Variants in PRG4 observed in about 807,000 individuals in gnomAD.
PRG4 encodes the protein proteoglycan 4.
PRG4 carries 61 observed loss-of-function variants against 91.2 expected under a neutral mutation model. That is an observed-to-expected ratio of 0.67 (90% CI 0.54 to 0.83). The LOEUF (loss-of-function observed/expected upper bound fraction) is 0.83, where lower values mean the gene tolerates loss of function less well. PRG4 is among the 40% of genes least tolerant of loss of function. The pLI is 0.00. For missense variants in PRG4, 1,564 were observed against 1,714.2 expected, an observed-to-expected ratio of 0.91 and a Z score of 1.55; for synonymous variants, 576 against 614.2, an observed-to-expected ratio of 0.94 and a Z score of 0.92.
At position 186,307,136 on chromosome 1, in the gene PRG4, G is replaced by A. The variant is rs750997479; in HGVS notation, c.1417G>A (p.Glu473Lys). 37 of 1,006,818 alleles carry A rather than the reference G, an allele frequency of 3.7e-5. No individual in the cohort carries two copies. In the South Asian group the frequency reaches 4.3e-4, roughly 12 times the overall value. 62.4% of individuals were successfully genotyped at this position (1,006,818 alleles called of 1,614,324 possible). ...CAAGGAGCCTGCACCCACCACCAAG[G>A]AGCCTGCACCCACCACTCCCAAAGA... ...TPKEPAPTTK[E>K]PAPTTPKEPA... Residue 473 changes from glutamate to lysine, a missense_variant, in exon 7 of 13, where the codon GAG becomes AAG. Transcript: ENST00000445192.
intron 12 of PRG4, chr1:186,313,350 A>G: frequency 3.1e-6 from 1 of 325,138 alleles, no homozygotes; most frequent in Non-Finnish European, 5.7e-6. Context: ...TAATTTCATA[A>G]TATGAATGAC....
chr1:186,307,407 C>T lies in PRG4; in HGVS notation c.1688C>T (p.Thr563Ile). 6.2e-7 allele frequency: 1 copy of T among 1,603,176 alleles called. No homozygotes were observed. Among genetic ancestry groups the T allele is most frequent in the Non-Finnish European group, 8.5e-7 (1 of 1,175,626 alleles). The part of the protein sequence containing the change: ...SPTTTKEPAP[T>I]TPKEPAPTTP... ...ACCACCACCAAGGAGCCTGCACCCA[C>T]CACTCCCAAGGAGCCTGCACCCACC... Residue 563 changes from threonine to isoleucine, a missense_variant, in exon 7 of 13, where the codon ACC becomes ATC. Physicochemically the swap from Thr to Ile is moderately conservative, Grantham distance 89. Transcript: ENST00000445192.
In PRG4 at chr1:186,306,715, A is replaced by C. The variant is rs763444356; in HGVS notation, c.996A>C (p.Thr332=). The C allele has an allele frequency of 6.2e-7, 1 of 1,613,704 alleles. No individual in the cohort carries two copies. Among genetic ancestry groups the C allele is most frequent in the Non-Finnish European group, 8.5e-7 (1 of 1,179,762 alleles). Residue 332 remains threonine, a synonymous_variant, in exon 7 of 13, where the codon ACA becomes ACC. Transcript: ENST00000445192. The part of the protein sequence containing the change: ...APTSKVLAKP[T]PKAETTTKGP... ...CATCTAAAGTGCTGGCTAAACCTAC[A>C]CCCAAAGCTGAAACTACAACCAAAG...
chr1:186,297,864 G>A (rs1001896227), intron 2 of PRG4, among the ~76,000 whole-genome samples: 2 of 152,132 alleles, frequency 1.3e-5, no homozygotes, highest in Non-Finnish European at 2.9e-5. Context: ...TTGCAGAATT[G>A]TTTAGATAAG....
Position 186,307,119 on chromosome 1 carries a change from C to A in PRG4, c.1400C>A (p.Pro467His), listed in dbSNP as rs1656671104. 2 of 1,589,420 alleles carry A rather than the reference C, an allele frequency of 1.3e-6. No homozygotes were observed. The highest frequency in any genetic ancestry group is 1.7e-6 in the Non-Finnish European group (2 of 1,168,530). Residue 467 changes from proline to histidine, a missense_variant, in exon 7 of 13, where the codon CCT (proline) becomes CAT (histidine). By Grantham distance (77) the Pro-to-His change is moderately conservative. Around this residue, in one of 3 missense-constraint regions of PRG4, gnomAD observed 1,079 missense variants for 1,162.2 expected, o/e 0.93. Coordinates refer to ENST00000445192, the MANE Select transcript of PRG4 (RefSeq NM_005807.6). ...KEPTPTTPKE[P>H]APTTKEPAPT... ...CCTACACCCACCACTCCCAAGGAGC[C>A]TGCACCCACCACCAAGGAGCCTGCA...
Position 186,308,941 on chromosome 1 carries a change from A to G in PRG4, c.3222A>G (p.Gln1074=), listed in dbSNP as rs12724163. 1 of 1,610,982 alleles carries G rather than the reference A, an allele frequency of 6.2e-7. No individual in the cohort carries two copies. Among genetic ancestry groups the G allele is most frequent in the Admixed American group, 1.7e-5 (1 of 59,378 alleles). The change falls in exon 7 of 13, where the codon CAA becomes CAG. Residue 1074 remains glutamine (Q), a synonymous_variant. Transcript: ENST00000445192. ...PTSRIAEAML[Q]TTTRPNQTPN... ...CAAGAATAGCAGAAGCCATGCTCCA[A>G]ACCACCACCAGACCTAACCAAACTC...
Position 186,307,709 on chromosome 1 carries a change from C to A in PRG4, c.1990C>A (p.Pro664Thr), listed in dbSNP as rs1246396485. ...EEPTPTTPEE[P>T]APTTPKAAAP... ...GCCCACACCCACCACCCCTGAGGAG[C>A]CTGCTCCCACCACTCCCAAGGCAGC... Residue 664 changes from proline (P) to threonine (T), a missense_variant, in exon 7 of 13, where the codon CCT becomes ACT. Pro to Thr is a conservative substitution (Grantham distance 38, BLOSUM62 -1). Around this residue, in one of 3 missense-constraint regions of PRG4, gnomAD observed 1,079 missense variants for 1,162.2 expected, o/e 0.93. Coordinates refer to ENST00000445192, the MANE Select transcript of PRG4 (RefSeq NM_005807.6). 7 of 1,609,526 alleles carry A rather than the reference C, an allele frequency of 4.3e-6. No individual in the cohort carries two copies. Among genetic ancestry groups the A allele is most frequent in the Non-Finnish European group, 5.9e-6 (7 of 1,179,050 alleles).
At chr1:186,306,207 A>C in intron 6 of PRG4, 111 bp from the exon 7 acceptor site, 1 of 849,136 alleles carries the variant, frequency 1.2e-6, no homozygotes, top group Admixed American at 2.8e-5. Context: ...AGTAGAGATT[A>C]GCAATTTGCT....
chr1:186,306,580 A>G lies in PRG4; in HGVS notation c.861A>G (p.Lys287=). The part of the protein sequence containing the change: ...TVNKETTVET[K]ETTTTNKQTS... ...ATAAAGAGACAACAGTTGAAACTAA[A>G]GAAACTACTACAACAAATAAACAGA... Residue 287 remains lysine, a synonymous_variant, in exon 7 of 13, where the codon AAA becomes AAG. Coordinates refer to ENST00000445192, the MANE Select transcript of PRG4 (RefSeq NM_005807.6). The G allele has an allele frequency of 6.2e-7, 1 of 1,613,508 alleles. No homozygotes were observed.
chr1:186,312,778 A>C lies in PRG4; in HGVS notation c.4001A>C (p.His1334Pro), dbSNP rs922311017. 6.2e-7 allele frequency: 1 copy of C among 1,613,012 alleles called. No individual in the cohort carries two copies. Among genetic ancestry groups the C allele is most frequent in the Non-Finnish European group, 8.5e-7 (1 of 1,179,026 alleles). Residue 1334 changes from histidine (H) to proline (P), a missense_variant, in exon 12 of 13, where the codon CAT (histidine) becomes CCT (proline). His to Pro is a moderately conservative substitution (Grantham distance 77, BLOSUM62 -2). This residue lies in a region of PRG4 where 1,079 missense variants were observed against 1,162.2 expected (regional missense o/e 0.93). Coordinates refer to ENST00000445192, the MANE Select transcript of PRG4 (RefSeq NM_005807.6). Reference protein sequence around the residue: ...RLAYQDKGVLHNEVKVSILWR... With the variant: ...RLAYQDKGVLPNEVKVSILWR... ...AACATGCCACTTACAGGTGTCCTTC[A>C]TAATGAAGTTAAAGTGAGTATACTG...
At chr1:186,300,393 C>T (rs965476531) in intron 3 of PRG4, among the ~76,000 whole-genome samples, 180 bp downstream of exon 3, 3 of 152,182 alleles carry the variant, frequency 2.0e-5, no homozygotes. Flanking sequence ...ATAAATGTTG[C>T]AGCGCATTGT....
chr1:186,308,969 A>G lies in PRG4; in HGVS notation c.3250A>G (p.Asn1084Asp). 1 of 1,607,264 alleles carries G rather than the reference A, an allele frequency of 6.2e-7. No homozygotes were observed. Among genetic ancestry groups the G allele is most frequent in the Non-Finnish European group, 8.5e-7 (1 of 1,176,764 alleles). Residue 1084 changes from asparagine to aspartate, a missense_variant, in exon 7 of 13, where the codon AAC becomes GAC. Around this residue, in one of 3 missense-constraint regions of PRG4, gnomAD observed 1,079 missense variants for 1,162.2 expected, o/e 0.93. Transcript: ENST00000445192. ...CACCACCAGACCTAACCAAACTCCA[A>G]ACTCCAAACTAGTTGAAGTAAATCC... ...QTTTRPNQTP[N>D]SKLVEVNPKS...
intron 12 of PRG4, 38 bp from the exon 13 acceptor site, chr1:186,313,643 T>C (rs1309607780): frequency 1.6e-6 from 2 of 1,278,162 alleles, no homozygotes; most frequent in Middle Eastern, 1.8e-4. Context: ...GGGCATTGTT[T>C]TCTTTTTAAC....
chr1:186,310,144 G>GA (rs904997177), intron 8 of PRG4, among the ~76,000 whole-genome samples: 1 of 123,116 alleles, frequency 8.1e-6, no homozygotes, highest in Non-Finnish European at 1.7e-5. Flanking sequence ...TTGGGGGGGG[G>GA]GGGTAGTTAA....
chr1:186,303,365 G>A (rs1458450537), intron 4 of PRG4, among the ~76,000 whole-genome samples: 1 of 151,836 alleles, frequency 6.6e-6, no homozygotes, highest in Non-Finnish European at 1.5e-5. Context: ...GCGATGTTGC[G>A]GGGAGCAGCA....
intron 4 of PRG4, among the ~76,000 whole-genome samples, chr1:186,302,535 A>G (rs1400909143): frequency 2.0e-5 from 3 of 152,246 alleles, no homozygotes; most frequent in African/African-American, 2.4e-5. Context: ...CAATCTTATC[A>G]TTTTATTTAA....
chr1:186,304,715 T>A, intron 5 of PRG4, 79 bp from the exon 6 acceptor site: 1 of 1,517,368 alleles, frequency 6.6e-7, no homozygotes, highest in African/African-American at 1.4e-5. Flanking sequence ...AAATAGCACT[T>A]CTTGCTGTGT....
At chr1:186,299,479 C>A (rs1450248005) in intron 2 of PRG4, among the ~76,000 whole-genome samples, 1 of 152,212 alleles carries the variant, frequency 6.6e-6, no homozygotes, top group East Asian at 1.9e-4. Flanking sequence ...AGTTCAAATT[C>A]TGGATGGATT....
At chr1:186,310,860 A>C (rs1657163360) in intron 8 of PRG4, among the ~76,000 whole-genome samples, 174 bp from the exon 9 acceptor site, 1 of 152,102 alleles carries the variant, frequency 6.6e-6, no homozygotes, top group Non-Finnish European at 1.5e-5. Context: ...GGTTATGCTA[A>C]ATTTCGGACT....
Sources: gnomAD v4.1 joint callset for allele counts (sites outside exome capture counted in the v4.1 genomes callset) on GRCh38, gnomAD v4.1.1 for gene constraint, gnomAD v4.1.1 regional missense constraint, MANE v1.5 for transcripts, NCBI Gene and HGNC (gene_info 2026-07-23, HGNC 2026-07-21) for gene names.